Variants in FER observed in about 807,000 individuals in gnomAD.
FER encodes the protein tyrosine-protein kinase Fer.
A neutral mutation model predicts 111.0 loss-of-function variants in FER; 63 were observed. The observed-to-expected ratio is 0.57, with a 90% CI of 0.46 to 0.70. The LOEUF (loss-of-function observed/expected upper bound fraction) is 0.70, where lower values mean the gene tolerates loss of function less well. Among genes scored for constraint, FER ranks in the 30% least tolerant of loss-of-function variants. The pLI is 0.00. For synonymous variants in FER, 327 were observed against 313.9 expected, an observed-to-expected ratio of 1.04 and a Z score of -0.44; for missense variants, 914 against 954.0, an observed-to-expected ratio of 0.96 and a Z score of 0.55.
At chr5:108,850,125 G>A (rs1259356577) in intron 5 of FER, among the ~76,000 whole-genome samples, 2 of 151,760 alleles carry the variant, frequency 1.3e-5, no homozygotes, top group Non-Finnish European at 2.9e-5. Flanking sequence ...AACCTGGGAG[G>A]TGGAGGTTGC....
intron 5 of FER, among the ~76,000 whole-genome samples, chr5:108,843,528 AT>A (rs1269283630): frequency 0.011 from 1,565 of 140,302 alleles, 8 homozygotes; most frequent in African/African-American, 0.013. Flanking sequence ...TGAAAGTTGA[AT>A]TTTTTTTTTT....
At chr5:108,998,579 T>C (rs778884143) in intron 13 of FER, among the ~76,000 whole-genome samples, 1 of 152,202 alleles carries the variant, frequency 6.6e-6, no homozygotes, top group Non-Finnish European at 1.5e-5. Flanking sequence ...GAGCTGTTCC[T>C]ATTTGGCCAT....
At chr5:108,806,468 C>T (rs987468989) in intron 3 of FER, among the ~76,000 whole-genome samples, 2 of 152,194 alleles carry the variant, frequency 1.3e-5, no homozygotes, top group East Asian at 1.9e-4. Context: ...GTAGCTATAC[C>T]GACAGCCTGC....
chr5:108,807,739 T>G (rs55745292), intron 3 of FER, among the ~76,000 whole-genome samples: 3,295 of 152,282 alleles, frequency 0.022, 117 homozygotes, highest in African/African-American at 0.076. Flanking sequence ...TCTACCTTTT[T>G]GAGGTGGTGT....
At chr5:109,133,008 C>G (rs1391227829) in intron 17 of FER, among the ~76,000 whole-genome samples, 2 of 152,112 alleles carry the variant, frequency 1.3e-5, no homozygotes, top group African/African-American at 4.8e-5. Flanking sequence ...TATGTAGTTT[C>G]CAAAATGATT....
chr5:109,156,624 G>C (rs1043663554), intron 17 of FER, among the ~76,000 whole-genome samples: 1 of 151,910 alleles, frequency 6.6e-6, no homozygotes, highest in African/African-American at 2.4e-5. Context: ...AGAGCACCTG[G>C]GACCAAACCT....
At chr5:108,762,490 A>G (rs1751871686) in intron 1 of FER, among the ~76,000 whole-genome samples, 1 of 152,150 alleles carries the variant, frequency 6.6e-6, no homozygotes, top group Non-Finnish European at 1.5e-5. Flanking sequence ...TGCTCTAAAT[A>G]AATAGCCTGT....
In FER at chr5:109,047,114, C is replaced by A; in HGVS notation, c.1840C>A (p.Gln614Lys). ...KFLQEAKILK[Q>K]YDHPNIVKLI... The stretch of plus-strand genomic sequence containing the variant: ...TTTCATCTCATCTAGAATTCTCAAG[C>A]AATATGATCATCCCAATATTGTCAA... The change falls in exon 16 of 20, where the codon CAA (glutamine) becomes AAA (lysine). Residue 614 changes from glutamine (Q) to lysine (K), a missense_variant. Coordinates refer to ENST00000281092, the MANE Select transcript of FER (RefSeq NM_005246.4). The A allele has an allele frequency of 6.3e-7, 1 of 1,576,122 alleles. No individual in the cohort carries two copies. The highest frequency in any genetic ancestry group is 8.7e-7 in the Non-Finnish European group (1 of 1,153,718).
chr5:109,086,266 T>C (rs532331963), intron 16 of FER, among the ~76,000 whole-genome samples: 1 of 134,952 alleles, frequency 7.4e-6, no homozygotes, highest in Admixed American at 7.1e-5. Flanking sequence ...TAGTTGTCTT[T>C]CAAGGTATCG....
At chr5:108,770,955 G>A (rs573693572) in intron 2 of FER, among the ~76,000 whole-genome samples, 11 of 144,736 alleles carry the variant, frequency 7.6e-5, no homozygotes, top group Non-Finnish European at 1.2e-4. Flanking sequence ...TTTTTTTTTT[G>A]AGATGGAGTC....
intron 13 of FER, among the ~76,000 whole-genome samples, chr5:108,993,273 CTG>C (rs1042243042): frequency 8.5e-5 from 13 of 152,324 alleles, no homozygotes; most frequent in Admixed American, 7.8e-4. Flanking sequence ...GAACGAGACT[CTG>C]TCTGCAATCC....
rs535104644 is a variant in FER, at chr5:108,805,029, CT to C, written c.207+6644del. 1.7e-3 allele frequency among the ~76,000 whole-genome samples: 252 copies of C among 151,064 alleles called. 2 individuals are homozygous for C. The highest frequency in any genetic ancestry group is 5.8e-3 in the African/African-American group (240 of 41,050). The stretch of plus-strand genomic sequence containing the variant: ...ATTCAATTTGGAGCTGGATATTGGT[CT>C]TTTCAGGGTTTCAGTTTCTTCCTTG... On this transcript the variant is annotated intron_variant, in intron 3 of 19. Transcript: ENST00000281092.
At chr5:108,839,567 A>ATTTTC (rs1279770825) in intron 5 of FER, among the ~76,000 whole-genome samples, 1 of 125,788 alleles carries the variant, frequency 7.9e-6, no homozygotes, top group African/African-American at 3.0e-5. Flanking sequence ...ACCCCATGCC[A>ATTTTC]TTTTCTTTTT....
chr5:109,116,254 A>G (rs537767252), intron 17 of FER, among the ~76,000 whole-genome samples: 10 of 152,184 alleles, frequency 6.6e-5, no homozygotes, highest in African/African-American at 2.4e-4. Flanking sequence ...GATGTTTGCC[A>G]GTTTTCTTTA....
At chr5:109,117,423 A>G (rs1392794542) in intron 17 of FER, among the ~76,000 whole-genome samples, 1 of 152,120 alleles carries the variant, frequency 6.6e-6, no homozygotes, top group African/African-American at 2.4e-5. Context: ...GTGTACTTCT[A>G]TCATTTTGTG....
intron 17 of FER, among the ~76,000 whole-genome samples, chr5:109,141,978 T>A (rs1753571038): frequency 6.6e-6 from 1 of 152,204 alleles, no homozygotes; most frequent in South Asian, 2.1e-4. Context: ...CTTCATGGCC[T>A]GTTCTTCCCA....
intron 2 of FER, among the ~76,000 whole-genome samples, chr5:108,796,648 A>T (rs1399312383): frequency 6.6e-6 from 1 of 152,000 alleles, no homozygotes; most frequent in Non-Finnish European, 1.5e-5. Flanking sequence ...CTCCCTGGCC[A>T]CCACCACCGT....
chr5:108,764,715 A>T (rs183371084), intron 1 of FER, among the ~76,000 whole-genome samples: 25 of 152,320 alleles, frequency 1.6e-4, no homozygotes, highest in African/African-American at 5.8e-4. Context: ...ATAATTTTAA[A>T]TGGTTGTAAA....
At chr5:108,989,885 A>G (rs1762972868) in intron 13 of FER, among the ~76,000 whole-genome samples, 1 of 151,990 alleles carries the variant, frequency 6.6e-6, no homozygotes, top group Middle Eastern at 3.2e-3. Context: ...TTTGAAGAAG[A>G]TAGTTTGTAC....
Sources: gnomAD v4.1 joint callset for allele counts (sites outside exome capture counted in the v4.1 genomes callset) on GRCh38, gnomAD v4.1.1 for gene constraint, MANE v1.5 for transcripts, NCBI Gene and HGNC (gene_info 2026-07-23, HGNC 2026-07-21) for gene names.